Variants in DHFR2 observed in about 807,000 individuals in gnomAD.
The protein encoded by DHFR2 is dihydrofolate reductase 2.
In DHFR2, 11 loss-of-function variants were observed where a neutral mutation model predicts 12.0. The observed-to-expected ratio is 0.92, with a 90% CI of 0.58 to 1.52. DHFR2 has a LOEUF of 1.52. Among genes scored for constraint, DHFR2 ranks in the 40% most tolerant of loss-of-function variants. DHFR2 has a pLI of 0.00. For missense variants in DHFR2, 188 were observed against 221.2 expected, an observed-to-expected ratio of 0.85 and a Z score of 0.95; for synonymous variants, 87 against 79.6, an observed-to-expected ratio of 1.09 and a Z score of -0.49.
chr3:94,062,431 C>T (rs1016906330), intron 1 of DHFR2, among the ~76,000 whole-genome samples: 1 of 152,262 alleles, frequency 6.6e-6, no homozygotes, highest in Non-Finnish European at 1.5e-5. Context: ...AAAAGCATGA[C>T]TTAATTTCTT....
upstream of DHFR2, chr3:94,063,169 A>G (rs1044983194): frequency 6.2e-7 from 1 of 1,613,156 alleles, no homozygotes; most frequent in Non-Finnish European, 8.5e-7. Flanking sequence ...GGGTACCTCT[A>G]TCTGAATGAG....
Position 94,060,632 on chromosome 3 carries a change from C to T in DHFR2, c.*316G>A, listed in dbSNP as rs1228770295. 1.7e-5 allele frequency: 6 copies of T among 345,630 alleles called. No individual in the cohort carries two copies. The East Asian group carries it at 3.6e-4, about 21-fold the overall frequency. 21.4% of individuals were successfully genotyped at this position (345,630 alleles called of 1,614,324 possible). A position where few individuals can be genotyped will look rare whatever the true frequency, so the allele number is the denominator to read the frequency against. ...AGCTGAAGGGTATGTGCATCTTCAT[C>T]TTTAATAAATACTACCAACATTAGA... On this transcript the variant is annotated 3_prime_UTR_variant, in exon 2 of 2. Transcript: ENST00000314636.
rs779766181 is a variant in DHFR2, at chr3:94,060,247, T to G, written c.*701A>C. 3.3e-5 allele frequency: 5 copies of G among 152,054 alleles called. No individual in the cohort carries two copies. Among genetic ancestry groups the G allele is most frequent in the Admixed American group, 2.6e-4 (4 of 15,246 alleles). 9.4% of individuals were successfully genotyped at this position (152,054 alleles called of 1,614,324 possible). On this transcript the variant is annotated 3_prime_UTR_variant, in exon 2 of 2. Coordinates refer to ENST00000314636, the MANE Select transcript of DHFR2 (RefSeq NM_176815.5). ...GGAGCTGACAACCAAGGAGTGGGGG[T>G]TAAATACTCTAGCTTTCTCCCCTCC...
upstream of DHFR2, chr3:94,063,241 G>A: frequency 8.8e-7 from 1 of 1,134,826 alleles, no homozygotes; most frequent in Non-Finnish European, 1.3e-6. Flanking sequence ...CATCACCTTT[G>A]TTCGTCCCCT....
In DHFR2 at chr3:94,060,778, T is replaced by G; in HGVS notation, c.*170A>C. ...CTTGGAGAGACAGTTATAGCAAGAA[T>G]GTTTCATAAATGGTATCTGATATAG... On this transcript the variant is annotated 3_prime_UTR_variant, in exon 2 of 2. Coordinates refer to ENST00000314636, the MANE Select transcript of DHFR2 (RefSeq NM_176815.5). The G allele has an allele frequency of 1.3e-6, 1 of 768,954 alleles. No individual in the cohort carries two copies. The highest frequency in any genetic ancestry group is 2.0e-6 in the Non-Finnish European group (1 of 490,588). The allele number at this position is 768,954 out of a possible 1,614,324, so 47.6% of individuals were successfully genotyped here. A position where few individuals can be genotyped will look rare whatever the true frequency, so the allele number is the denominator to read the frequency against.
At chr3:94,063,014 A>C, upstream of DHFR2, 2 of 1,146,512 alleles carry the variant, frequency 1.7e-6, no homozygotes, top group Non-Finnish European at 2.6e-6. Flanking sequence ...GAAACGTGAG[A>C]ATGAAAGTGG....
intron 1 of DHFR2, 36 bp downstream of exon 1, chr3:94,062,710 T>C (rs1352362981): frequency 8.1e-6 from 2 of 248,122 alleles, no homozygotes; most frequent in Admixed American, 4.9e-5. Flanking sequence ...CACGGGTCAC[T>C]GCAACCTCAA....
rs2077167439 is a variant in DHFR2, at chr3:94,060,556, C to G, written c.*392G>C. On this transcript the variant is annotated 3_prime_UTR_variant, in exon 2 of 2. Transcript: ENST00000314636. ...GGCTGCAACATTTGTCTACAAACCT[C>G]TGGATATACATGTACGAAGCTTTTG... 1.1e-5 allele frequency: 2 copies of G among 178,180 alleles called. No homozygotes were observed. The highest frequency in any genetic ancestry group is 2.9e-4 in the South Asian group (2 of 6,842). 11.0% of individuals were successfully genotyped at this position (178,180 alleles called of 1,614,324 possible).
At position 94,058,231 on chromosome 3, in the gene DHFR2, C is replaced by G. The variant is rs1410106654; in HGVS notation, c.*2717G>C. 6.6e-6 allele frequency: 1 copy of G among 152,106 alleles called. No homozygotes were observed. The highest frequency in any genetic ancestry group is 6.5e-5 in the Admixed American group (1 of 15,272). The allele number at this position is 152,106 out of a possible 1,614,324, so 9.4% of individuals were successfully genotyped here. On this transcript the variant is annotated 3_prime_UTR_variant, in exon 2 of 2. Transcript: ENST00000314636. ...TCCAGAGGAAAGCACTTTTCATTCTCTTAGTTTTTCCTTCTGGTAGTTACC... is the reference window on the plus strand; with the variant it reads ...TCCAGAGGAAAGCACTTTTCATTCTGTTAGTTTTTCCTTCTGGTAGTTACC...
Position 94,061,603 on chromosome 3 carries a change from G to T in DHFR2, c.-92C>A. On this transcript the variant is annotated 5_prime_UTR_variant, in exon 2 of 2. Transcript: ENST00000314636. ...AATTCCCTTCTTCAAATTTTTTTACGTGCCTACATTGCAAATACAATACCA... is the reference window on the plus strand; with the variant it reads ...AATTCCCTTCTTCAAATTTTTTTACTTGCCTACATTGCAAATACAATACCA... The T allele has an allele frequency of 1.9e-6, 3 of 1,573,582 alleles. No individual in the cohort carries two copies. Among genetic ancestry groups the T allele is most frequent in the South Asian group, 1.2e-5 (1 of 85,458 alleles).
upstream of DHFR2, chr3:94,063,194 G>C: frequency 6.3e-7 from 1 of 1,583,044 alleles, no homozygotes; most frequent in Non-Finnish European, 8.7e-7. Context: ...TTCTGGACGC[G>C]GCCGAGGTGG....
chr3:94,061,572 C>T lies in DHFR2; in HGVS notation c.-61G>A. 1.9e-6 allele frequency: 3 copies of T among 1,598,510 alleles called. No homozygotes were observed. The highest frequency in any genetic ancestry group is 1.3e-5 in the African/African-American group (1 of 74,316). ...ACGCCAGGAAGCCAGGCCAAGAATG[C>T]CGCGAAATTCCCTTCTTCAAATTTT... On this transcript the variant is annotated 5_prime_UTR_variant, in exon 2 of 2. Coordinates refer to ENST00000314636, the MANE Select transcript of DHFR2 (RefSeq NM_176815.5).
intron 1 of DHFR2, among the ~76,000 whole-genome samples, chr3:94,062,205 G>T (rs1213286532): frequency 1.3e-5 from 2 of 152,166 alleles, no homozygotes; most frequent in African/African-American, 4.8e-5. Flanking sequence ...CCTTGTAAAG[G>T]TGAATTGGGG....
intron 1 of DHFR2, among the ~76,000 whole-genome samples, chr3:94,062,135 C>A (rs1415288961): frequency 2.0e-5 from 3 of 152,148 alleles, no homozygotes; most frequent in Non-Finnish European, 2.9e-5. Flanking sequence ...AAATAAACTT[C>A]TATTCGTGTC....
chr3:94,063,144 ACC>A, upstream of DHFR2: 3 of 1,613,870 alleles, frequency 1.9e-6, no homozygotes, highest in Non-Finnish European at 2.5e-6. Context: ...CCCAGGTGAG[ACC>A]TGGGGCCCGG....
Position 94,061,245 on chromosome 3 carries a change from A to C in DHFR2, c.267T>G (p.Phe89Leu), listed in dbSNP as rs1220569191. Residue 89 changes from phenylalanine (F) to leucine (L), a missense_variant, in exon 2 of 2, where the codon TTT becomes TTG. By Grantham distance (22) the Phe-to-Leu change is conservative. Transcript: ENST00000314636. ...AGGCATCATCCAAACTTCTGGCAAG[A>C]AAATGAGCTCCTTGTGGAGGTTCCT... The part of the protein sequence containing the change: ...ELKEPPQGAH[F>L]LARSLDDALK... The C allele has an allele frequency of 1.2e-6, 2 of 1,614,032 alleles. No individual in the cohort carries two copies. Among genetic ancestry groups the C allele is most frequent in the African/African-American group, 1.3e-5 (1 of 75,058 alleles).
intron 1 of DHFR2, among the ~76,000 whole-genome samples, chr3:94,062,313 T>C (rs889569736): frequency 6.6e-6 from 1 of 152,180 alleles, no homozygotes; most frequent in African/African-American, 2.4e-5. Flanking sequence ...CAGCTAACAT[T>C]TGGGCATTTA....
At chr3:94,062,973 G>A (rs1469418393), upstream of DHFR2, 1 of 778,228 alleles carries the variant, frequency 1.3e-6, no homozygotes, top group South Asian at 1.6e-5. Context: ...TATAGCGCGA[G>A]CAAATCAGTA....
chr3:94,062,978 T>C (rs2107229854), upstream of DHFR2: 1 of 822,516 alleles, frequency 1.2e-6, no homozygotes, highest in Non-Finnish European at 2.0e-6. Context: ...CGCGAGCAAA[T>C]CAGTATCTCG....
Sources: gnomAD v4.1 joint callset for allele counts (sites outside exome capture counted in the v4.1 genomes callset) on GRCh38, gnomAD v4.1.1 for gene constraint, MANE v1.5 for transcripts, NCBI Gene and HGNC (gene_info 2026-07-23, HGNC 2026-07-21) for gene names.